Variants in SLC35F1 observed in about 807,000 individuals in gnomAD.
SLC35F1 encodes the protein solute carrier family 35 member F1, also known as chromosome 6 open reading frame 169.
A neutral mutation model predicts 48.7 loss-of-function variants in SLC35F1; 14 were observed. The observed-to-expected ratio is 0.29, with a 90% CI of 0.19 to 0.45. The LOEUF (loss-of-function observed/expected upper bound fraction) is 0.45, where lower values mean the gene tolerates loss of function less well. Ranked by LOEUF, SLC35F1 falls within the 20% of genes least tolerant of loss-of-function variation. The pLI, the probability that SLC35F1 is intolerant of heterozygous loss-of-function variation, is 1.00. For missense variants in SLC35F1, 404 were observed against 500.0 expected (o/e 0.81, Z 1.83); for synonymous variants, 190 against 202.2 (o/e 0.94, Z 0.51).
chr6:118,301,585 A>G (rs1337885281), intron 7 of SLC35F1, among the ~76,000 whole-genome samples: 1 of 152,302 alleles, frequency 6.6e-6, no homozygotes, highest in South Asian at 2.1e-4. Context: ...TAATATTTAG[A>G]TTTATTTTTC....
rs1335817521 is a variant in SLC35F1, at chr6:118,297,691, T to A, written c.1002+12353T>A. 4.3e-3 allele frequency among the ~76,000 whole-genome samples: 488 copies of A among 114,440 alleles called. 2 individuals are homozygous for A. The highest frequency in any genetic ancestry group is 6.5e-3 in the South Asian group (25 of 3,826). 75.1% of individuals were successfully genotyped at this position (114,440 alleles called of 152,430 possible). On this transcript the variant is annotated intron_variant, in intron 7 of 7. Coordinates refer to ENST00000360388, the MANE Select transcript of SLC35F1 (RefSeq NM_001029858.4). ...TTATATAAGTTCTGAGAAATATATATTATATATATAAGTTCTGAGAAATAT... is the reference window on the plus strand; with the variant it reads ...TTATATAAGTTCTGAGAAATATATAATATATATATAAGTTCTGAGAAATAT...
chr6:117,934,327 G>A (rs1776138132), intron 1 of SLC35F1, among the ~76,000 whole-genome samples: 1 of 152,118 alleles, frequency 6.6e-6, no homozygotes, highest in African/African-American at 2.4e-5. Flanking sequence ...TAGGAAACAG[G>A]CTAATGGAAG....
intron 2 of SLC35F1, among the ~76,000 whole-genome samples, chr6:118,216,840 C>T (rs187963001): frequency 5.1e-4 from 78 of 152,246 alleles, no homozygotes; most frequent in Admixed American, 1.0e-3. Context: ...CAATGCAAAA[C>T]AGTACCTACC....
chr6:117,919,471 C>T (rs1009831292), intron 1 of SLC35F1, among the ~76,000 whole-genome samples: 1 of 152,080 alleles, frequency 6.6e-6, no homozygotes, highest in Admixed American at 6.6e-5. Context: ...AAAAGGAGAG[C>T]CTGGGTTTTC....
At chr6:118,292,458 G>C (rs1776136378) in intron 7 of SLC35F1, among the ~76,000 whole-genome samples, 1 of 152,190 alleles carries the variant, frequency 6.6e-6, no homozygotes, top group South Asian at 2.1e-4. Flanking sequence ...CTTCTGTGCT[G>C]AGGATTGGAC....
intron 2 of SLC35F1, among the ~76,000 whole-genome samples, chr6:118,171,178 A>G (rs550750539): frequency 2.6e-5 from 4 of 152,236 alleles, no homozygotes; most frequent in Admixed American, 6.5e-5. Context: ...CTGGAACTAC[A>G]GGCTCACACC....
At chr6:118,301,754 A>T (rs1776256858) in intron 7 of SLC35F1, among the ~76,000 whole-genome samples, 1 of 152,158 alleles carries the variant, frequency 6.6e-6, no homozygotes, top group Non-Finnish European at 1.5e-5. Context: ...TGCAGGCCAT[A>T]CGGTCTCCAT....
intron 1 of SLC35F1, among the ~76,000 whole-genome samples, chr6:118,129,609 G>A (rs573969422): frequency 2.2e-4 from 33 of 152,222 alleles, no homozygotes; most frequent in African/African-American, 3.4e-4. Flanking sequence ...TGCTGTAGGC[G>A]TAATGGGTAG....
In SLC35F1 at chr6:118,314,551, A is replaced by G. The variant is rs1460045477; in HGVS notation, c.*299A>G. The G allele has an allele frequency of 5.6e-6, 2 of 357,540 alleles. No homozygotes were observed. The highest frequency in any genetic ancestry group is 4.7e-5 in the East Asian group (1 of 21,220). 22.1% of individuals were successfully genotyped at this position (357,540 alleles called of 1,614,324 possible). A position where few individuals can be genotyped will look rare whatever the true frequency, so the allele number is the denominator to read the frequency against. ...AAGTATTATTGTTATTATGATTTGT[A>G]TTATTATTATTGCTGTTACTGTTAT... On this transcript the variant is annotated 3_prime_UTR_variant, in exon 8 of 8. Coordinates refer to ENST00000360388, the MANE Select transcript of SLC35F1 (RefSeq NM_001029858.4).
intron 7 of SLC35F1, among the ~76,000 whole-genome samples, chr6:118,288,711 A>G (rs1445645009): frequency 2.6e-5 from 4 of 152,002 alleles, no homozygotes; most frequent in South Asian, 2.1e-4. Flanking sequence ...GGCATGCCCA[A>G]CTCCCCCTTC....
intron 1 of SLC35F1, among the ~76,000 whole-genome samples, chr6:117,963,237 T>C (rs1776520053): frequency 6.6e-6 from 1 of 152,154 alleles, no homozygotes; most frequent in Non-Finnish European, 1.5e-5. Flanking sequence ...TTACCACATA[T>C]GATTGTGGTA....
chr6:118,004,999 C>T (rs531950040), intron 1 of SLC35F1, among the ~76,000 whole-genome samples: 1 of 152,076 alleles, frequency 6.6e-6, no homozygotes, highest in South Asian at 2.1e-4. Flanking sequence ...GATGTCATGA[C>T]AGAGGTATTT....
rs146105819 is a variant in SLC35F1, at chr6:118,021,000, A to C, written c.173+113101A>C. Among the ~76,000 whole-genome samples the C allele has an allele frequency of 5.2e-3, 785 of 152,246 alleles. 5 individuals carry two copies. The highest frequency in any genetic ancestry group is 0.018 in the African/African-American group (749 of 41,560). On this transcript the variant is annotated intron_variant, in intron 1 of 7. Coordinates refer to ENST00000360388, the MANE Select transcript of SLC35F1 (RefSeq NM_001029858.4). ...GGCTCAGTAAAGTGGGAAATAAGGA[A>C]TTATCACAGGCTTTTACATGGGGAC... is the stretch of plus-strand genomic sequence containing the variant.
chr6:118,003,407 G>A (rs1777131810), intron 1 of SLC35F1, among the ~76,000 whole-genome samples: 3 of 152,204 alleles, frequency 2.0e-5, no homozygotes, highest in Admixed American at 2.0e-4. Flanking sequence ...GTTCTGGTTG[G>A]TTCTGGTCCT....
At chr6:117,928,419 A>G (rs1475437350) in intron 1 of SLC35F1, among the ~76,000 whole-genome samples, 2 of 152,172 alleles carry the variant, frequency 1.3e-5, no homozygotes, top group African/African-American at 4.8e-5. Flanking sequence ...GGAAGGGCCA[A>G]TTAGTTTTCT....
At chr6:118,309,023 G>A (rs1443021610) in intron 7 of SLC35F1, among the ~76,000 whole-genome samples, 3 of 152,076 alleles carry the variant, frequency 2.0e-5, no homozygotes, top group African/African-American at 7.2e-5. Flanking sequence ...TGAAAGCATT[G>A]GCCTTAGCTC....
intron 3 of SLC35F1, among the ~76,000 whole-genome samples, chr6:118,265,452 C>G (rs1208317946): frequency 6.6e-6 from 1 of 152,148 alleles, no homozygotes; most frequent in Non-Finnish European, 1.5e-5. Flanking sequence ...AAGCATCAAA[C>G]AGGACTCGAC....
intron 1 of SLC35F1, among the ~76,000 whole-genome samples, chr6:118,072,706 T>C (rs1772753040): frequency 6.6e-6 from 1 of 152,234 alleles, no homozygotes; most frequent in Admixed American, 6.5e-5. Flanking sequence ...TTAGGAATAA[T>C]ACATTTGAAA....
intron 2 of SLC35F1, among the ~76,000 whole-genome samples, chr6:118,179,187 T>C (rs1360566262): frequency 1.3e-5 from 2 of 152,050 alleles, no homozygotes; most frequent in East Asian, 1.9e-4. Context: ...AGAGACCATA[T>C]ATATATAAAA....
Sources: gnomAD v4.1 joint callset for allele counts (sites outside exome capture counted in the v4.1 genomes callset) on GRCh38, gnomAD v4.1.1 for gene constraint, MANE v1.5 for transcripts, NCBI Gene and HGNC (gene_info 2026-07-23, HGNC 2026-07-21) for gene names.